TUSC3: variants seen among roughly 807,000 people sequenced by gnomAD.
The protein encoded by TUSC3 is tumor suppressor candidate 3, also known as dolichyl-diphosphooligosaccharide--protein glycosyltransferase subunit TUSC3.
In TUSC3, 45 loss-of-function variants were observed where a neutral mutation model predicts 44.8. The ratio of observed to expected loss-of-function variants is 1.00; its 90% confidence interval spans 0.79 to 1.29. TUSC3 has a LOEUF of 1.29. Among genes scored for constraint, TUSC3 ranks in the 50% most tolerant of loss-of-function variants. The pLI is 0.00. For missense variants in TUSC3, 519 were observed against 437.9 expected, an observed-to-expected ratio of 1.19 and a Z score of -1.65; for synonymous variants, 212 against 152.9, an observed-to-expected ratio of 1.39 and a Z score of -2.85.
intron 2 of TUSC3, among the ~76,000 whole-genome samples, chr8:15,627,471 C>T (rs1013547762): frequency 1.3e-5 from 2 of 152,216 alleles, no homozygotes; most frequent in Non-Finnish European, 2.9e-5. Flanking sequence ...TGGGACCTGC[C>T]AAATGGCAAG....
At chr8:15,472,422 A>G (rs976583370) in intron 1 of TUSC3, among the ~76,000 whole-genome samples, 28 of 152,208 alleles carry the variant, frequency 1.8e-4, no homozygotes, top group African/African-American at 6.8e-4. Flanking sequence ...TGCCATTGCT[A>G]TAAGTAAATC....
At chr8:15,687,676 T>C (rs1311455531) in intron 6 of TUSC3, among the ~76,000 whole-genome samples, 4 of 152,184 alleles carry the variant, frequency 2.6e-5, no homozygotes, top group African/African-American at 9.7e-5. Flanking sequence ...CTATCTATGA[T>C]CCTGCCAATT....
intron 6 of TUSC3, among the ~76,000 whole-genome samples, chr8:15,725,170 C>T (rs548807820): frequency 4.4e-4 from 67 of 151,968 alleles, no homozygotes; most frequent in Non-Finnish European, 8.8e-4. Flanking sequence ...GATTATATGC[C>T]AAAGCAGAGA....
intron 8 of TUSC3, among the ~76,000 whole-genome samples, chr8:15,745,795 C>A (rs950822388): frequency 6.6e-6 from 1 of 151,810 alleles, no homozygotes; most frequent in Non-Finnish European, 1.5e-5. Flanking sequence ...ATTAATCAGT[C>A]CCACTTGCCA....
chr8:15,426,717 C>G (rs1563248034), intron 1 of TUSC3, among the ~76,000 whole-genome samples: 2 of 152,286 alleles, frequency 1.3e-5, no homozygotes, highest in Middle Eastern at 3.4e-3. Flanking sequence ...TCTCCAAGAT[C>G]CTGATTTTAA....
intron 7 of TUSC3, among the ~76,000 whole-genome samples, chr8:15,737,024 T>G (rs1174724549): frequency 6.6e-6 from 1 of 152,180 alleles, no homozygotes; most frequent in Non-Finnish European, 1.5e-5. Flanking sequence ...ATTTAAAATT[T>G]TTATTCTTAT....
At chr8:15,818,130 G>C in the TUSC3 span, among the ~76,000 whole-genome samples, 1 of 152,202 alleles carries the variant, frequency 6.6e-6, no homozygotes, top group Non-Finnish European at 1.5e-5. Context: ...TGGAAATACT[G>C]AGATTATTAG....
intron 6 of TUSC3, among the ~76,000 whole-genome samples, chr8:15,682,924 A>G (rs183989722): frequency 1.7e-4 from 26 of 151,872 alleles, no homozygotes; most frequent in Non-Finnish European, 3.5e-4. Flanking sequence ...GTTTGGCATG[A>G]GATGCAATTC....
At chr8:15,623,735 A>G (rs1010809888) in intron 2 of TUSC3, among the ~76,000 whole-genome samples, 1 of 152,134 alleles carries the variant, frequency 6.6e-6, no homozygotes, top group Non-Finnish European at 1.5e-5. Context: ...GGACAAGTAT[A>G]AATACTTGTC....
chr8:15,723,471 G>C (rs1810384059), intron 6 of TUSC3, among the ~76,000 whole-genome samples: 1 of 152,152 alleles, frequency 6.6e-6, no homozygotes, highest in African/African-American at 2.4e-5. Context: ...TGCAGCCTCT[G>C]GGGAAATCCA....
the TUSC3 span, among the ~76,000 whole-genome samples, chr8:15,783,447 G>C: frequency 6.6e-6 from 1 of 152,098 alleles, no homozygotes; most frequent in Non-Finnish European, 1.5e-5. Flanking sequence ...CAAAGCTGGA[G>C]GCATCACACT....
chr8:15,634,974 C>A (rs979783966), intron 2 of TUSC3, among the ~76,000 whole-genome samples: 1 of 152,136 alleles, frequency 6.6e-6, no homozygotes, highest in African/African-American at 2.4e-5. Context: ...GCCAAGTGGT[C>A]ATTATCCTTA....
intron 2 of TUSC3, among the ~76,000 whole-genome samples, chr8:15,529,540 A>G (rs749572305): frequency 2.6e-5 from 4 of 152,266 alleles, no homozygotes; most frequent in Middle Eastern, 6.9e-3. Context: ...ACTTTAGAAT[A>G]TTTTTAGAAA....
chr8:15,627,184 C>G (rs974007261), intron 2 of TUSC3, among the ~76,000 whole-genome samples: 2 of 152,182 alleles, frequency 1.3e-5, no homozygotes, highest in South Asian at 4.1e-4. Flanking sequence ...GGTCTCCTCT[C>G]TGCTGAGAGC....
In TUSC3 at chr8:15,502,595, A is replaced by G. The variant is rs528883222; in HGVS notation, n.189+19112A>G. Among the ~76,000 whole-genome samples the G allele has an allele frequency of 1.3e-4, 20 of 152,314 alleles. 1 individual carries two copies. The East Asian group carries it at 3.5e-3, about 26-fold the overall frequency. ...AAGCTCCACCTCCTGGGTTCACACCATTGTCCTGTCTCAGCCTCCCAAGTA... is the reference window on the plus strand; with the variant it reads ...AAGCTCCACCTCCTGGGTTCACACCGTTGTCCTGTCTCAGCCTCCCAAGTA... On this transcript the variant is annotated intron_variant and non_coding_transcript_variant, in intron 2 of 5. Transcript: ENST00000503191.
At chr8:15,749,516 G>T (rs1454384225) in intron 9 of TUSC3, among the ~76,000 whole-genome samples, 2 of 151,896 alleles carry the variant, frequency 1.3e-5, no homozygotes, top group Non-Finnish European at 2.9e-5. Flanking sequence ...ATATACCAAG[G>T]GAATGGAAGA....
chr8:15,779,268 T>C, the TUSC3 span, among the ~76,000 whole-genome samples: 2 of 152,190 alleles, frequency 1.3e-5, no homozygotes, highest in Non-Finnish European at 2.9e-5. Flanking sequence ...GGGTCTCGCT[T>C]TGTTGCCCAG....
At chr8:15,696,729 T>A (rs1214910656) in intron 6 of TUSC3, among the ~76,000 whole-genome samples, 2 of 152,238 alleles carry the variant, frequency 1.3e-5, no homozygotes, top group Non-Finnish European at 2.9e-5. Context: ...CCTATGCTCA[T>A]CAGGGATATC....
At chr8:15,431,112 A>G (rs900407499) in intron 1 of TUSC3, among the ~76,000 whole-genome samples, 1 of 151,712 alleles carries the variant, frequency 6.6e-6, no homozygotes, top group African/African-American at 2.4e-5. Context: ...TGAAATCAGG[A>G]TGTGTGATGG....
Sources: allele counts gnomAD v4.1 joint callset (sites outside exome capture counted in the v4.1 genomes callset), GRCh38; gene constraint gnomAD v4.1.1; transcripts MANE v1.5; gene names NCBI Gene and HGNC (gene_info 2026-07-23, HGNC 2026-07-21).